The following PARP14 variants were observed in gnomAD, a reference collection of about 807,000 sequenced individuals.
PARP14 encodes poly(ADP-ribose) polymerase family member 14.
In PARP14, 59 loss-of-function variants were observed where a neutral mutation model predicts 154.2. The ratio of observed to expected loss-of-function variants is 0.38; its 90% CI spans 0.31 to 0.48. The LOEUF (loss-of-function observed/expected upper bound fraction) is 0.48. Ranked by LOEUF, PARP14 falls within the 20% of genes least tolerant of loss-of-function variation. The probability of loss-of-function intolerance (pLI) is 0.98; values close to 1 mark genes in which losing one functional copy is unlikely to be tolerated. For synonymous variants in PARP14, 720 were observed against 780.5 expected (o/e 0.92, Z 1.29); for missense variants, 1,734 against 2,131.6 (o/e 0.81, Z 3.67).
rs894296090 is a variant in PARP14 at position 122,695,315 on chromosome 3, G to A, written c.599-111G>A. 8 of 624,436 alleles carry A rather than the reference G, an allele frequency of 1.3e-5. No homozygotes were observed. The African/African-American group carries it at 1.3e-4, about 10-fold the overall frequency. The allele number at this position is 624,436 out of a possible 1,614,324, so 38.7% of individuals were successfully genotyped here. A position where few individuals can be genotyped will look rare whatever the true frequency, so the allele number is the denominator to read the frequency against. On this transcript the variant is annotated intron_variant, in intron 4 of 16. Coordinates refer to ENST00000474629, the MANE Select transcript of PARP14 (RefSeq NM_017554.3). Reference sequence around the variant, plus strand: ...TTAAAATCTTGTGTCTAAAAATGGAGTGCTTAGCTCTTCCTTTTATTTCAA... The same window carrying A: ...TTAAAATCTTGTGTCTAAAAATGGAATGCTTAGCTCTTCCTTTTATTTCAA...
chr3:122,693,312 A>G (rs1478097841), intron 4 of PARP14, among the ~76,000 whole-genome samples: 2 of 134,600 alleles, frequency 1.5e-5, no homozygotes, highest in Non-Finnish European at 3.4e-5. Context: ...GTCACCACCC[A>G]AAACAAGTAC....
At chr3:122,683,106 C>G (rs573930080) in intron 1 of PARP14, among the ~76,000 whole-genome samples, 127 of 152,110 alleles carry the variant, frequency 8.3e-4, no homozygotes, top group Non-Finnish European at 1.2e-3. Flanking sequence ...AAAACAAACT[C>G]GAAACCTAGT....
At chr3:122,695,186 C>T (rs1204888529) in intron 4 of PARP14, among the ~76,000 whole-genome samples, 4 of 152,088 alleles carry the variant, frequency 2.6e-5, no homozygotes, top group African/African-American at 7.2e-5. Flanking sequence ...AGGTCTGGGG[C>T]AGGAAGTGGG....
At position 122,701,168 on chromosome 3, in the gene PARP14, C is replaced by G; in HGVS notation, c.2614C>G (p.Leu872Val). The G allele has an allele frequency of 6.2e-7, 1 of 1,613,792 alleles. No homozygotes were observed. The highest frequency in any genetic ancestry group is 8.5e-7 in the Non-Finnish European group (1 of 1,179,786). ...GNATISKAGK[L>V]PYHHVIHAVG... ...TGCCACCATCTCCAAGGCAGGAAAGCTGCCCTACCACCACGTGATCCATGC... is the reference window on the plus strand; with the variant it reads ...TGCCACCATCTCCAAGGCAGGAAAGGTGCCCTACCACCACGTGATCCATGC... The change falls in exon 6 of 17, where the codon CTG (leucine) becomes GTG (valine). Residue 872 changes from leucine to valine, a missense_variant. Around this residue, in one of 2 missense-constraint regions of PARP14, gnomAD observed 1,646 missense variants for 1,976.0 expected, o/e 0.83. Transcript: ENST00000474629. The surrounding 1 kb of genome is among the most constrained non-coding windows in gnomAD (Gnocchi z 4.0).
chr3:122,707,306 G>T (rs1320080948), intron 8 of PARP14, among the ~76,000 whole-genome samples: 1 of 151,570 alleles, frequency 6.6e-6, no homozygotes, highest in Admixed American at 6.6e-5. Context: ...ACTTGAACCT[G>T]GGAGGCGGAG....
In PARP14 at chr3:122,692,432, A is replaced by G. The variant is rs1466590876; in HGVS notation, c.487A>G (p.Ile163Val). The change falls in exon 4 of 17, where the codon ATA becomes GTA. Residue 163 changes from isoleucine to valine, a missense_variant. By Grantham distance (29) the Ile-to-Val change is conservative (BLOSUM62 3). This residue lies in a region of PARP14 where 1,646 missense variants were observed against 1,976.0 expected (regional missense o/e 0.83). Coordinates refer to ENST00000474629, the MANE Select transcript of PARP14 (RefSeq NM_017554.3). ...FENLKANVTD[I>V]MLILLVENIS... is the part of the protein sequence containing the mutation. ...AAACCTCAAGGCAAATGTGACTGAC[A>G]TAATGCTAATCTTGTTAGTGGAGAA... The G allele has an allele frequency of 1.9e-6, 3 of 1,613,708 alleles. No homozygotes were observed. Among genetic ancestry groups the G allele is most frequent in the Non-Finnish European group, 2.5e-6 (3 of 1,179,776 alleles).
intron 8 of PARP14, among the ~76,000 whole-genome samples, chr3:122,706,729 G>A (rs1939164920): frequency 6.6e-6 from 1 of 151,486 alleles, no homozygotes; most frequent in Admixed American, 6.6e-5. Flanking sequence ...CTTTAGCCAA[G>A]ATGTTACTTG....
rs1236120767 is a variant in PARP14, at chr3:122,700,780, T to C, written c.2226T>C (p.Ser742=). The C allele has an allele frequency of 1.2e-6, 2 of 1,613,616 alleles. No individual in the cohort carries two copies. The highest frequency in any genetic ancestry group is 1.7e-5 in the Admixed American group (1 of 59,952). Residue 742 remains serine (S), a synonymous_variant, in exon 6 of 17, where the codon AGT becomes AGC. Coordinates refer to ENST00000474629, the MANE Select transcript of PARP14 (RefSeq NM_017554.3). ...TCTGGGATTCAGTCTGTGTTAAAAGTGTCCATACTGATAAGCCAGGAGCCA... is the reference window on the plus strand; with the variant it reads ...TCTGGGATTCAGTCTGTGTTAAAAGCGTCCATACTGATAAGCCAGGAGCCA... ...KQVWDSVCVK[S]VHTDKPGAKQ...
chr3:122,699,707 G>T lies in PARP14; in HGVS notation c.1153G>T (p.Ala385Ser), dbSNP rs199759788. 2.5e-5 allele frequency: 40 copies of T among 1,613,952 alleles called. No homozygotes were observed. In the East Asian group the frequency reaches 8.0e-4, roughly 32 times the overall value. ...AAGACCGAGAATCAAGACCTGGCAG[G>T]CAGATACTTCCACAACACTCTCTAG... The part of the protein sequence containing the change: ...EGRPRIKTWQ[A>S]DTSTTLSSIR... Residue 385 changes from alanine to serine, a missense_variant, in exon 6 of 17, where the codon GCA (alanine) becomes TCA (serine). This residue lies in a region of PARP14 where 1,646 missense variants were observed against 1,976.0 expected (regional missense o/e 0.83). Transcript: ENST00000474629.
intron 12 of PARP14, among the ~76,000 whole-genome samples, chr3:122,715,594 TC>T (rs1560077877): frequency 1.7e-4 from 24 of 141,470 alleles, no homozygotes; most frequent in African/African-American, 5.8e-4. Flanking sequence ...TCTCTACCAG[TC>T]ATCTATCTAT....
intron 3 of PARP14, among the ~76,000 whole-genome samples, chr3:122,688,948 AATG>A (rs1938458971): frequency 6.6e-6 from 1 of 152,204 alleles, no homozygotes; most frequent in Admixed American, 6.5e-5. Flanking sequence ...GCACTGAGCT[AATG>A]TCCTGTTCCA....
Sources: allele counts gnomAD v4.1 joint callset (sites outside exome capture counted in the v4.1 genomes callset), GRCh38; gene constraint gnomAD v4.1.1; regional missense constraint gnomAD v4.1.1; non-coding constraint Gnocchi (gnomAD v3.1); transcripts MANE v1.5; gene names NCBI Gene and HGNC (gene_info 2026-07-23, HGNC 2026-07-21).